The following CCNB3 variants were observed in gnomAD, a reference collection of about 807,000 sequenced individuals.
CCNB3 encodes the protein G2/mitotic-specific cyclin-B3.
Under a neutral mutation model 68.0 loss-of-function variants are expected in CCNB3, and 12 were observed. The ratio of observed to expected loss-of-function variants is 0.18; its 90% CI spans 0.11 to 0.29. The LOEUF (loss-of-function observed/expected upper bound fraction) is 0.29, where lower values mean the gene tolerates loss of function less well. Ranked by LOEUF, CCNB3 falls within the 10% of genes least tolerant of loss-of-function variation. The pLI, the probability that CCNB3 is intolerant of heterozygous loss-of-function variation, is 1.00. For synonymous variants in CCNB3, 354 were observed against 388.9 expected (o/e 0.91, Z 1.06); for missense variants, 904 against 993.1 (o/e 0.91, Z 1.21).
chrX:50,328,662 A>G (rs782020716), intron 8 of CCNB3, among the ~76,000 whole-genome samples: 3 of 111,853 alleles, frequency 2.7e-5, no homozygotes, highest in African/African-American at 9.7e-5. Flanking sequence ...TTCTTCTCAC[A>G]TTGTAAATTA....
At chrX:50,301,967 G>T (rs1301502231) in intron 5 of CCNB3, among the ~76,000 whole-genome samples, 1 of 112,783 alleles carries the variant, frequency 8.9e-6, no homozygotes, top group Non-Finnish European at 1.9e-5. Flanking sequence ...TGTGCCATTT[G>T]TTAAGCCTGT....
chrX:50,226,713 G>A (rs1381966671), intron 1 of CCNB3, among the ~76,000 whole-genome samples: 1 of 63,739 alleles, frequency 1.6e-5, no homozygotes, highest in African/African-American at 6.6e-5. Context: ...ATATGAATAT[G>A]TACACAGAAT....
chrX:50,226,281 TTA>T (rs1207840766), intron 1 of CCNB3, among the ~76,000 whole-genome samples: 14 of 57,980 alleles, frequency 2.4e-4, no homozygotes, highest in East Asian at 2.3e-3. Context: ...ATATATATAT[TTA>T]TATATATAGA....
At chrX:50,221,436 C>T (rs1051314865) in intron 1 of CCNB3, among the ~76,000 whole-genome samples, 1 of 111,729 alleles carries the variant, frequency 9.0e-6, no homozygotes, top group South Asian at 3.7e-4. Flanking sequence ...CCTCTAAACA[C>T]TGCTTTAGCT....
rs994043451 is a variant in CCNB3 at position 50,221,129 on chromosome X, T to C, written c.-113+16179T>C. On this transcript the variant is annotated intron_variant, in intron 1 of 12. Coordinates refer to ENST00000376042, the MANE Select transcript of CCNB3 (RefSeq NM_033031.3). ...GGGATCAGTGGTGATATCCCCTTTA[T>C]TGTTTTTTATTGTGTCTGTTTGGTT... 9.0e-5 allele frequency among the ~76,000 whole-genome samples: 10 copies of C among 111,719 alleles called. No individual in the cohort carries two copies. In the East Asian group the frequency reaches 2.8e-3, roughly 31 times the overall value.
chrX:50,348,934 CTGA>C (rs1923538356), intron 11 of CCNB3, among the ~76,000 whole-genome samples: 1 of 112,688 alleles, frequency 8.9e-6, no homozygotes, highest in African/African-American at 3.2e-5. Context: ...AGGGGGACAG[CTGA>C]TGGGTTCAGG....
At chrX:50,338,558 A>G (rs1922972264) in intron 8 of CCNB3, among the ~76,000 whole-genome samples, 1 of 112,001 alleles carries the variant, frequency 8.9e-6, no homozygotes, top group African/African-American at 3.2e-5. Context: ...TCTATAGATA[A>G]CATAACCAGT....
intron 5 of CCNB3, among the ~76,000 whole-genome samples, chrX:50,303,666 T>C (rs1260808311): frequency 9.0e-6 from 1 of 111,179 alleles, no homozygotes; most frequent in Non-Finnish European, 1.9e-5. Context: ...AATTGACATA[T>C]AATAATCGTA....
chrX:50,351,438 C>T, intron 12 of CCNB3, 67 bp downstream of exon 12: 1 of 1,134,607 alleles, frequency 8.8e-7, no homozygotes, highest in Non-Finnish European at 1.2e-6. Context: ...AAATACTAGA[C>T]CGAGACTAGC....
intron 1 of CCNB3, among the ~76,000 whole-genome samples, chrX:50,280,312 A>T (rs1936114055): frequency 9.8e-6 from 1 of 102,330 alleles, no homozygotes; most frequent in African/African-American, 3.5e-5. Context: ...ATATATATAT[A>T]GAATATAGAT....
chrX:50,295,036 A>C (rs1024403213), intron 5 of CCNB3, 43 bp downstream of exon 5: 1 of 1,139,941 alleles, frequency 8.8e-7, no homozygotes, highest in East Asian at 3.0e-5. Flanking sequence ...TAGATGGTAG[A>C]GTATGTGACA....
intron 8 of CCNB3, among the ~76,000 whole-genome samples, chrX:50,329,090 C>T (rs1347952694): frequency 8.9e-6 from 1 of 112,273 alleles, no homozygotes; most frequent in African/African-American, 3.2e-5. Context: ...GGTAGCTTCT[C>T]TCATGGGCTG....
At chrX:50,211,911 T>G (rs1935488468) in intron 1 of CCNB3, among the ~76,000 whole-genome samples, 1 of 112,298 alleles carries the variant, frequency 8.9e-6, no homozygotes, top group African/African-American at 3.2e-5. Flanking sequence ...ATTTCCATCA[T>G]GAAGATGTGT....
At chrX:50,316,053 C>T (rs1248890586) in intron 8 of CCNB3, among the ~76,000 whole-genome samples, 7 of 111,287 alleles carry the variant, frequency 6.3e-5, no homozygotes, top group African/African-American at 2.3e-4. Flanking sequence ...ATAATCCCCA[C>T]GTGTTGTGGG....
intron 1 of CCNB3, among the ~76,000 whole-genome samples, chrX:50,216,137 C>T (rs1174797116): frequency 9.2e-6 from 1 of 108,169 alleles, no homozygotes; most frequent in Non-Finnish European, 1.9e-5. Context: ...TTAGTAGAAA[C>T]GGGGTTTCAC....
At chrX:50,317,543 T>TTATGTATGTATGTATGTATGTATGTATG (rs200015453) in intron 8 of CCNB3, among the ~76,000 whole-genome samples, 139 of 99,714 alleles carry the variant, frequency 1.4e-3, no homozygotes, top group African/African-American at 4.6e-3. Flanking sequence ...GTATTTAAAT[T>TTATGTATGTATGTATGTATGTATGTATG]TATGTATGTA....
At chrX:50,300,474 C>T (rs1433616003) in intron 5 of CCNB3, among the ~76,000 whole-genome samples, 12 of 111,724 alleles carry the variant, frequency 1.1e-4, no homozygotes, top group African/African-American at 1.9e-4. Flanking sequence ...CACTCTCTTC[C>T]GGCTTGTAGA....
intron 11 of CCNB3, among the ~76,000 whole-genome samples, chrX:50,349,281 T>C (rs781851176): frequency 4.5e-5 from 5 of 111,841 alleles, no homozygotes; most frequent in African/African-American, 1.6e-4. Context: ...GAACAGAGAA[T>C]ATGGTAAAAG....
intron 1 of CCNB3, among the ~76,000 whole-genome samples, chrX:50,209,879 T>G (rs1476757302): frequency 1.8e-5 from 2 of 111,967 alleles, no homozygotes; most frequent in Non-Finnish European, 3.8e-5. Flanking sequence ...CTTTTATCAT[T>G]ATTATTCCCT....
Sources: gnomAD v4.1 joint callset for allele counts (sites outside exome capture counted in the v4.1 genomes callset) on GRCh38, gnomAD v4.1.1 for gene constraint, MANE v1.5 for transcripts, NCBI Gene and HGNC (gene_info 2026-07-23, HGNC 2026-07-21) for gene names.